OPHN1: variants seen among roughly 807,000 people sequenced by gnomAD.
OPHN1 encodes oligophrenin 1.
Under a neutral mutation model 60.7 loss-of-function variants are expected in OPHN1, and 11 were observed. The observed-to-expected ratio is 0.18, with a 90% CI of 0.11 to 0.30. OPHN1 has a LOEUF of 0.30. Ranked by LOEUF, OPHN1 falls within the 10% of genes least tolerant of loss-of-function variation. The probability of loss-of-function intolerance (pLI) is 1.00; values close to 1 mark genes in which losing one functional copy is unlikely to be tolerated. For synonymous variants in OPHN1, 226 were observed against 222.6 expected, an observed-to-expected ratio of 1.02 and a Z score of -0.14; for missense variants, 449 against 611.0, an observed-to-expected ratio of 0.73 and a Z score of 2.80.
chrX:68,351,691 T>G (rs1602346797), intron 2 of OPHN1, among the ~76,000 whole-genome samples: 1 of 110,170 alleles, frequency 9.1e-6, no homozygotes, highest in Non-Finnish European at 1.9e-5. Context: ...TTTCTGGTTT[T>G]TTGTTGTTGT....
chrX:68,373,066 C>T (rs185381896), intron 2 of OPHN1, among the ~76,000 whole-genome samples: 127 of 111,945 alleles, frequency 1.1e-3, no homozygotes, highest in African/African-American at 3.8e-3. Flanking sequence ...GCTCCCAGAC[C>T]AAGACCTACC....
chrX:68,067,500 G>A lies in OPHN1; in HGVS notation c.1835-3323C>T, dbSNP rs768104103. 3.6e-5 allele frequency among the ~76,000 whole-genome samples: 4 copies of A among 110,419 alleles called. No homozygotes were observed. In the South Asian group the frequency reaches 1.6e-3, roughly 44 times the overall value. On this transcript the variant is annotated intron_variant, in intron 20 of 24. Transcript: ENST00000355520. ...TTTTGGGGGGCAGAGGGCTGTGGGT[G>A]GGGAGAAGTGGCATTATCAAATATG...
chrX:68,270,148 A>T (rs1323359313), intron 5 of OPHN1, among the ~76,000 whole-genome samples: 1 of 111,295 alleles, frequency 9.0e-6, no homozygotes, highest in African/African-American at 3.3e-5. Context: ...GTGGGACTGT[A>T]AACTAGTTCA....
At chrX:68,102,153 A>G (rs2077062070) in intron 18 of OPHN1, 1 of 112,187 alleles carries the variant, frequency 8.9e-6, no homozygotes, top group Non-Finnish European at 1.9e-5. Context: ...ATGCAAAATA[A>G]CAGAAATCAT....
At position 68,043,854 on chromosome X, in the gene OPHN1, C is replaced by A. The variant is rs1370026318; in HGVS notation, c.*3318G>T. ...TCAAGTACTGCAGAGGCACCAAGAC[C>A]TTTTCTGCTTCTAAAACTGCATTTG... On this transcript the variant is annotated 3_prime_UTR_variant, in exon 25 of 25. Coordinates refer to ENST00000355520, the MANE Select transcript of OPHN1 (RefSeq NM_002547.3). 8.9e-6 allele frequency: 1 copy of A among 111,954 alleles called. No homozygotes were observed. The highest frequency in any genetic ancestry group is 1.9e-5 in the Non-Finnish European group (1 of 53,244). 9.2% of individuals were successfully genotyped at this position (111,954 alleles called of 1,213,427 possible).
chrX:68,283,009 C>A, intron 4 of OPHN1, 47 bp downstream of exon 4: 2 of 1,020,146 alleles, frequency 2.0e-6, no homozygotes, highest in Non-Finnish European at 2.8e-6. Context: ...GAAAAATCCC[C>A]TATATCACCC....
chrX:68,201,793 A>G, intron 10 of OPHN1, 83 bp from the exon 11 acceptor site: 1 of 782,594 alleles, frequency 1.3e-6, no homozygotes. Flanking sequence ...CTTCAGTGTC[A>G]CTTGGAAGGC....
chrX:68,204,335 T>C (rs1370881258), intron 10 of OPHN1, among the ~76,000 whole-genome samples: 1 of 111,760 alleles, frequency 8.9e-6, no homozygotes, highest in Non-Finnish European at 1.9e-5. Context: ...GTAAGTGCCA[T>C]AGTCAGAAAG....
intron 18 of OPHN1, among the ~76,000 whole-genome samples, chrX:68,104,159 A>G (rs2147416640): frequency 1.8e-5 from 2 of 111,838 alleles, no homozygotes; most frequent in Admixed American, 1.9e-4. Context: ...TCAAGGAAAT[A>G]AGAGAAGACA....
chrX:68,280,770 G>A (rs1396392296), intron 4 of OPHN1, among the ~76,000 whole-genome samples: 1 of 111,243 alleles, frequency 9.0e-6, no homozygotes, highest in African/African-American at 3.3e-5. Flanking sequence ...ATTTTCTGCT[G>A]GTGCTGGTCA....
intron 15 of OPHN1, among the ~76,000 whole-genome samples, chrX:68,123,369 A>G (rs896212544): frequency 1.2e-4 from 13 of 112,243 alleles, no homozygotes; most frequent in Admixed American, 1.9e-4. Flanking sequence ...AGTAATGAGC[A>G]CTAAGAAATC....
chrX:68,346,191 AG>A (rs1399932356), intron 2 of OPHN1, among the ~76,000 whole-genome samples: 3 of 112,068 alleles, frequency 2.7e-5, no homozygotes, highest in Non-Finnish European at 5.6e-5. Context: ...CTATCAACAC[AG>A]GTACAAATTG....
intron 2 of OPHN1, among the ~76,000 whole-genome samples, chrX:68,378,946 G>T (rs1396690308): frequency 9.0e-6 from 1 of 111,155 alleles, no homozygotes; most frequent in Non-Finnish European, 1.9e-5. Flanking sequence ...GAACTTTAAA[G>T]TAGTTTTTTC....
intron 20 of OPHN1, among the ~76,000 whole-genome samples, chrX:68,066,956 T>A (rs2076915267): frequency 8.9e-6 from 1 of 112,136 alleles, no homozygotes; most frequent in Non-Finnish European, 1.9e-5. Flanking sequence ...TACGAAGAAC[T>A]GGGAGTGAAT....
intron 15 of OPHN1, among the ~76,000 whole-genome samples, chrX:68,131,593 TAC>T (rs1255597806): frequency 8.9e-6 from 1 of 112,180 alleles, no homozygotes. Flanking sequence ...CATAAAGTAA[TAC>T]AGACACCACC....
chrX:68,059,743 A>G (rs1001792075), intron 21 of OPHN1, among the ~76,000 whole-genome samples: 12 of 111,519 alleles, frequency 1.1e-4, no homozygotes, highest in Non-Finnish European at 7.5e-5. Context: ...CACCAGATGC[A>G]ATCTTTCCTT....
chrX:68,205,390 G>A (rs1402209607), intron 10 of OPHN1, among the ~76,000 whole-genome samples: 1 of 111,164 alleles, frequency 9.0e-6, no homozygotes, highest in Admixed American at 9.6e-5. Context: ...GGAGGTTGCT[G>A]TGAGCCGAGA....
chrX:68,095,891 T>C (rs1361968250), intron 19 of OPHN1, among the ~76,000 whole-genome samples: 1 of 112,136 alleles, frequency 8.9e-6, no homozygotes, highest in East Asian at 2.8e-4. Context: ...ACCTTTGTTT[T>C]ACCTTTTGTA....
chrX:68,185,672 GA>G (rs1234343913), intron 15 of OPHN1, among the ~76,000 whole-genome samples: 16 of 107,681 alleles, frequency 1.5e-4, no homozygotes, highest in South Asian at 8.3e-4. Flanking sequence ...AAGAATAAGA[GA>G]AAAAAAAAGA....
Sources: gnomAD v4.1 joint callset for allele counts (sites outside exome capture counted in the v4.1 genomes callset) on GRCh38, gnomAD v4.1.1 for gene constraint, MANE v1.5 for transcripts, NCBI Gene and HGNC (gene_info 2026-07-23, HGNC 2026-07-21) for gene names.